The following GFOD1 variants were observed in gnomAD, a reference collection of about 807,000 sequenced individuals.
GFOD1 encodes the protein glucose-fructose oxidoreductase domain-containing protein 1.
In GFOD1, 9 loss-of-function variants were observed where a neutral mutation model predicts 25.4. The ratio of observed to expected loss-of-function variants is 0.35; its 90% CI spans 0.21 to 0.62. GFOD1 has a LOEUF of 0.62. Ranked by LOEUF, GFOD1 falls within the 20% of genes least tolerant of loss-of-function variation. The pLI is 0.72. For synonymous variants in GFOD1, 253 were observed against 245.6 expected, an observed-to-expected ratio of 1.03 and a Z score of -0.28; for missense variants, 403 against 556.9, an observed-to-expected ratio of 0.72 and a Z score of 2.78.
rs533119279 is a variant in GFOD1, at chr6:13,362,503, A to T, written c.*2240T>A. 7 of 151,956 alleles carry T rather than the reference A, an allele frequency of 4.6e-5. No homozygotes were observed. Among genetic ancestry groups the T allele is most frequent in the African/African-American group, 1.4e-4 (6 of 41,414 alleles). The allele number at this position is 151,956 out of a possible 1,614,324, so 9.4% of individuals were successfully genotyped here. ...AAAGAAGAAGAATGTGAACCAAAGCAGTCCATGACATGGGCCTCTGTTCAA... is the reference window on the plus strand; with the variant it reads ...AAAGAAGAAGAATGTGAACCAAAGCTGTCCATGACATGGGCCTCTGTTCAA... On this transcript the variant is annotated 3_prime_UTR_variant, in exon 2 of 2. Transcript: ENST00000379287.
intron 1 of GFOD1, among the ~76,000 whole-genome samples, chr6:13,435,835 A>C (rs1376710271): frequency 6.6e-6 from 1 of 152,250 alleles, no homozygotes; most frequent in Non-Finnish European, 1.5e-5. Context: ...TATGTTTTTA[A>C]AACCCTAATA....
chr6:13,396,116 C>T (rs953950719), intron 1 of GFOD1, among the ~76,000 whole-genome samples: 5 of 152,202 alleles, frequency 3.3e-5, no homozygotes, highest in African/African-American at 1.2e-4. Flanking sequence ...GTGAACTAAG[C>T]TGAGGAACAG....
Position 13,486,809 on chromosome 6 carries a change from C to T in GFOD1, c.82G>A (p.Val28Met). Residue 28 changes from valine (V) to methionine (M), a missense_variant, in exon 1 of 2, where the codon GTG becomes ATG. Physicochemically the swap from Val to Met is conservative, Grantham distance 21. Coordinates refer to ENST00000379287, the MANE Select transcript of GFOD1 (RefSeq NM_018988.4). ...TGCGTGCGGCCCCACAGCGCCTTCA[C>T]CGCGAAGCCCTCGTCTTTCAGCAGC... ...IPLLKDEGFA[V>M]KALWGRTQEE... 1 of 1,614,116 alleles carries T rather than the reference C, an allele frequency of 6.2e-7. No individual in the cohort carries two copies. The highest frequency in any genetic ancestry group is 8.5e-7 in the Non-Finnish European group (1 of 1,180,020).
intron 1 of GFOD1, among the ~76,000 whole-genome samples, chr6:13,436,419 A>G (rs1757833911): frequency 2.0e-5 from 3 of 152,268 alleles, no homozygotes; most frequent in Admixed American, 1.3e-4. Flanking sequence ...TCTTTTAAAC[A>G]TAATTAACAC....
At chr6:13,369,564 A>T (rs1785109113) in intron 1 of GFOD1, among the ~76,000 whole-genome samples, 1 of 152,090 alleles carries the variant, frequency 6.6e-6, no homozygotes, top group African/African-American at 2.4e-5. Flanking sequence ...TAGGAGGCTG[A>T]GGTGGGAGCA....
Position 13,365,424 on chromosome 6 carries a change from G to A in GFOD1, c.492C>T (p.Cys164=), listed in dbSNP as rs530842997. ...GGCCGCCGCCGCCCATCAAGTCGTC[G>A]CAGCTCCAGTTGTACTTCTTGCCCA... The part of the protein sequence containing the change: ...SLLGKKYNWS[C]DDLMGGGGLH... Residue 164 remains cysteine, a synonymous_variant, in exon 2 of 2, where the codon TGC becomes TGT. Transcript: ENST00000379287. The surrounding 1 kb of genome is among the most constrained non-coding windows in gnomAD (Gnocchi z 9.2). 56 of 1,613,904 alleles carry A rather than the reference G, an allele frequency of 3.5e-5. No individual in the cohort carries two copies. The highest frequency in any genetic ancestry group is 1.4e-4 in the South Asian group (13 of 91,080).
intron 1 of GFOD1, among the ~76,000 whole-genome samples, chr6:13,479,815 T>G (rs1304221641): frequency 6.6e-6 from 1 of 152,162 alleles, no homozygotes; most frequent in Admixed American, 6.5e-5. Flanking sequence ...TACGACAAAT[T>G]GATAGACCAA....
intron 1 of GFOD1, among the ~76,000 whole-genome samples, chr6:13,380,013 C>T (rs959348082): frequency 1.1e-4 from 17 of 152,222 alleles, no homozygotes; most frequent in African/African-American, 4.1e-4. Context: ...GATGAAAGGA[C>T]AGATGGGCAC....
At chr6:13,381,128 GC>G (rs1164170293) in intron 1 of GFOD1, among the ~76,000 whole-genome samples, 11 of 152,234 alleles carry the variant, frequency 7.2e-5, no homozygotes, top group Admixed American at 7.2e-4. Flanking sequence ...CAGTCATGCT[GC>G]CCCTGGTGCT....
In GFOD1 at chr6:13,361,308, C is replaced by G. The variant is rs1453703695; in HGVS notation, c.*3435G>C. 1.8e-5 allele frequency: 3 copies of G among 167,460 alleles called. No homozygotes were observed. The highest frequency in any genetic ancestry group is 1.1e-4 in the Admixed American group (2 of 17,698). 10.4% of individuals were successfully genotyped at this position (167,460 alleles called of 1,614,324 possible). On this transcript the variant is annotated 3_prime_UTR_variant, in exon 2 of 2. Coordinates refer to ENST00000379287, the MANE Select transcript of GFOD1 (RefSeq NM_018988.4). ...GCACTCCCAAACATTTTTTAAATACCAGGTAAGAACCCTGACCCACACCCT... is the reference window on the plus strand; with the variant it reads ...GCACTCCCAAACATTTTTTAAATACGAGGTAAGAACCCTGACCCACACCCT...
chr6:13,417,549 G>T (rs1786182934), intron 1 of GFOD1, among the ~76,000 whole-genome samples: 1 of 152,180 alleles, frequency 6.6e-6, no homozygotes, highest in South Asian at 2.1e-4. Context: ...CAAAACCAGA[G>T]AATTAACCTA....
At chr6:13,470,716 A>G in intron 1 of GFOD1, 1 of 1,434,784 alleles carries the variant, frequency 7.0e-7, no homozygotes, top group East Asian at 2.6e-5. Flanking sequence ...CATGTGGGAG[A>G]TAAGAAGAGC....
intron 1 of GFOD1, among the ~76,000 whole-genome samples, chr6:13,366,690 T>C (rs1200326299): frequency 1.3e-5 from 2 of 152,130 alleles, no homozygotes; most frequent in East Asian, 1.9e-4. Context: ...GACAGGGGTC[T>C]CCTTATATTG....
At chr6:13,402,237 A>G (rs953488039) in intron 1 of GFOD1, among the ~76,000 whole-genome samples, 2 of 152,234 alleles carry the variant, frequency 1.3e-5, no homozygotes, top group Admixed American at 6.5e-5. Flanking sequence ...AAAACTCTCC[A>G]AAGGAAACAC....
At chr6:13,480,847 C>T (rs1305573868) in intron 1 of GFOD1, among the ~76,000 whole-genome samples, 1 of 152,206 alleles carries the variant, frequency 6.6e-6, no homozygotes, top group Non-Finnish European at 1.5e-5. Context: ...GTCTGAGAGG[C>T]ATTCAGCTAC....
chr6:13,432,409 A>G (rs1431106827), intron 1 of GFOD1, among the ~76,000 whole-genome samples: 1 of 151,882 alleles, frequency 6.6e-6, no homozygotes, highest in Non-Finnish European at 1.5e-5. Flanking sequence ...CAGAGATGGC[A>G]TCTCACTAGG....
intron 1 of GFOD1, among the ~76,000 whole-genome samples, chr6:13,393,780 C>CTTTTTTTTTTTTTTTT (rs70989854): frequency 2.0e-4 from 24 of 120,242 alleles, no homozygotes; most frequent in Non-Finnish European, 3.0e-4. Context: ...TTTTTCTTTT[C>CTTTTTTTTTTTTTTTT]TTTTTTTTTT....
intron 1 of GFOD1, among the ~76,000 whole-genome samples, chr6:13,413,466 A>T (rs1786113112): frequency 6.6e-6 from 1 of 152,202 alleles, no homozygotes; most frequent in African/African-American, 2.4e-5. Flanking sequence ...GATCCAAGAA[A>T]AACCAACGTG....
chr6:13,399,892 T>C (rs1785808999), intron 1 of GFOD1, among the ~76,000 whole-genome samples: 3 of 152,220 alleles, frequency 2.0e-5, no homozygotes, highest in Admixed American at 6.5e-5. Flanking sequence ...TTATTGCATG[T>C]AAATTACCTC....
Sources: gnomAD v4.1 joint callset for allele counts (sites outside exome capture counted in the v4.1 genomes callset) on GRCh38, gnomAD v4.1.1 for gene constraint, Gnocchi (gnomAD v3.1) non-coding constraint, MANE v1.5 for transcripts, NCBI Gene and HGNC (gene_info 2026-07-23, HGNC 2026-07-21) for gene names.